Variants in GALNT14 observed in about 807,000 individuals in gnomAD.
GALNT14 encodes polypeptide N-acetylgalactosaminyltransferase 14.
Under a neutral mutation model 77.5 loss-of-function variants are expected in GALNT14, and 60 were observed. The observed-to-expected ratio is 0.77, with a 90% confidence interval of 0.63 to 0.96. The LOEUF (loss-of-function observed/expected upper bound fraction) is 0.96, where lower values mean the gene tolerates loss of function less well. Among genes scored for constraint, GALNT14 ranks in the 40% least tolerant of loss-of-function variants. The pLI, the probability that GALNT14 is intolerant of heterozygous loss-of-function variation, is 0.00. For synonymous variants in GALNT14, 280 were observed against 281.7 expected, an observed-to-expected ratio of 0.99 and a Z score of 0.06; for missense variants, 710 against 731.0, an observed-to-expected ratio of 0.97 and a Z score of 0.33.
intron 1 of GALNT14, among the ~76,000 whole-genome samples, chr2:31,106,328 A>G (rs577229487): frequency 1.3e-5 from 2 of 152,250 alleles, no homozygotes; most frequent in East Asian, 3.9e-4. Flanking sequence ...TCTTTCAAGA[A>G]CTAAAATTAT....
intron 1 of GALNT14, among the ~76,000 whole-genome samples, chr2:30,996,607 C>T (rs948408773): frequency 3.3e-5 from 5 of 152,234 alleles, no homozygotes; most frequent in African/African-American, 7.2e-5. Flanking sequence ...CAAGAGGGCC[C>T]GAGGCTGCTG....
At chr2:30,906,335 TA>T (rs1335176272), downstream of GALNT14, among the ~76,000 whole-genome samples, 1 of 149,208 alleles carries the variant, frequency 6.7e-6, no homozygotes, top group African/African-American at 2.5e-5. Context: ...GAGACACACA[TA>T]AGCTCAAAAT....
chr2:31,043,663 T>G (rs1673242535), intron 1 of GALNT14, among the ~76,000 whole-genome samples: 1 of 152,132 alleles, frequency 6.6e-6, no homozygotes, highest in Non-Finnish European at 1.5e-5. Flanking sequence ...CAGGTGATTT[T>G]TTTTTTTAGT....
In GALNT14 at chr2:31,102,436, G is replaced by A. The variant is rs186820438; in HGVS notation, c.129+35522C>T. Among the ~76,000 whole-genome samples the A allele has an allele frequency of 2.7e-3, 404 of 151,946 alleles. 3 individuals are homozygous for A. Among genetic ancestry groups the A allele is most frequent in the African/African-American group, 9.2e-3 (381 of 41,494 alleles). ...CATTGAGTATTTTTTGTTTTGTTTG[G>A]ATTTTACTTTCAGTTAAATGGGCTT... On this transcript the variant is annotated intron_variant, in intron 1 of 14. Transcript: ENST00000349752.
intron 9 of GALNT14, among the ~76,000 whole-genome samples, chr2:30,941,518 A>T (rs1217457858): frequency 6.6e-6 from 1 of 152,222 alleles, no homozygotes; most frequent in Non-Finnish European, 1.5e-5. Flanking sequence ...AATGAGTATT[A>T]AGTATCACTA....
chr2:30,946,221 G>A (rs1187693009), intron 6 of GALNT14, among the ~76,000 whole-genome samples: 1 of 152,156 alleles, frequency 6.6e-6, no homozygotes, highest in Non-Finnish European at 1.5e-5. Context: ...CCACGAGTGG[G>A]GCTCTAGGAG....
At chr2:30,899,487 G>T in the GALNT14 span, among the ~76,000 whole-genome samples, 2 of 152,140 alleles carry the variant, frequency 1.3e-5, no homozygotes, top group Non-Finnish European at 2.9e-5. Flanking sequence ...TTCCTGCAGA[G>T]TGAGGCCAGG....
the GALNT14 span, among the ~76,000 whole-genome samples, chr2:30,904,210 A>G: frequency 6.6e-6 from 1 of 152,224 alleles, no homozygotes; most frequent in South Asian, 2.1e-4. Flanking sequence ...GGGAGGAGCC[A>G]AGATGGCCGA....
intron 1 of GALNT14, among the ~76,000 whole-genome samples, chr2:31,095,683 C>T (rs1366711446): frequency 1.3e-5 from 2 of 152,150 alleles, no homozygotes; most frequent in Non-Finnish European, 1.5e-5. Context: ...CCAGGCTATT[C>T]CCATAGAATG....
chr2:30,972,823 G>T (rs1250667554), intron 2 of GALNT14, among the ~76,000 whole-genome samples: 29 of 152,224 alleles, frequency 1.9e-4, no homozygotes, highest in Admixed American at 1.9e-3. Context: ...ACTGGCTGCT[G>T]CTCCTGGGTG....
At chr2:30,911,136 G>A in intron 14 of GALNT14, 77 bp from the exon 15 acceptor site, 2 of 1,394,782 alleles carry the variant, frequency 1.4e-6, no homozygotes, top group Non-Finnish European at 2.0e-6. Context: ...CAGAAAGGTA[G>A]GTGCCTCATG....
chr2:30,888,500 A>T, the GALNT14 span, among the ~76,000 whole-genome samples: 1 of 152,234 alleles, frequency 6.6e-6, no homozygotes, highest in Non-Finnish European at 1.5e-5. Flanking sequence ...AGTGGCCAGC[A>T]TGTGGCAAAT....
chr2:31,073,456 A>C (rs1007770480), intron 1 of GALNT14, among the ~76,000 whole-genome samples: 44 of 146,734 alleles, frequency 3.0e-4, no homozygotes, highest in Admixed American at 2.5e-3. Context: ...AATCTCTACT[A>C]TGACAAAAAT....
the GALNT14 span, among the ~76,000 whole-genome samples, chr2:30,905,404 C>T: frequency 2.6e-3 from 400 of 151,498 alleles, 2 homozygotes; most frequent in Admixed American, 3.0e-3. Flanking sequence ...TCGAGAACTA[C>T]GTGAAGAATG....
At chr2:31,117,954 T>C (rs914812301) in intron 1 of GALNT14, among the ~76,000 whole-genome samples, 4 of 152,228 alleles carry the variant, frequency 2.6e-5, no homozygotes, top group African/African-American at 9.6e-5. Context: ...AGATCGTGCA[T>C]GGGAGGTTTT....
intron 1 of GALNT14, among the ~76,000 whole-genome samples, chr2:31,090,341 T>C (rs1413871392): frequency 6.6e-6 from 1 of 152,202 alleles, no homozygotes; most frequent in African/African-American, 2.4e-5. Context: ...CTGATTCACC[T>C]GTATTTCCTT....
intron 1 of GALNT14, among the ~76,000 whole-genome samples, chr2:31,071,094 T>C (rs1675332924): frequency 6.6e-6 from 1 of 152,142 alleles, no homozygotes; most frequent in Non-Finnish European, 1.5e-5. Flanking sequence ...CTTTGGGGAC[T>C]CGGGGAAAGG....
chr2:31,115,979 C>A (rs943719468), intron 1 of GALNT14, among the ~76,000 whole-genome samples: 1 of 152,164 alleles, frequency 6.6e-6, no homozygotes, highest in Non-Finnish European at 1.5e-5. Flanking sequence ...TATGACTGCA[C>A]CACTGCACTC....
chr2:31,007,747 C>T (rs1670772043), intron 1 of GALNT14, among the ~76,000 whole-genome samples: 2 of 152,178 alleles, frequency 1.3e-5, no homozygotes, highest in African/African-American at 2.4e-5. Flanking sequence ...GTACTCACTG[C>T]AAGATTCCCT....
Sources: gnomAD v4.1 joint callset for allele counts (sites outside exome capture counted in the v4.1 genomes callset) on GRCh38, gnomAD v4.1.1 for gene constraint, MANE v1.5 for transcripts, NCBI Gene and HGNC (gene_info 2026-07-23, HGNC 2026-07-21) for gene names.